Variants in NGEF observed in about 807,000 individuals in gnomAD.
The protein encoded by NGEF is ephexin-1.
Under a neutral mutation model 80.9 loss-of-function variants are expected in NGEF, and 31 were observed. The observed-to-expected ratio is 0.38, with a 90% CI of 0.29 to 0.52. NGEF has a LOEUF of 0.52. Ranked by LOEUF, NGEF falls within the 20% of genes least tolerant of loss-of-function variation. The probability of loss-of-function intolerance (pLI) is 0.84; values close to 1 mark genes in which losing one functional copy is unlikely to be tolerated. For synonymous variants in NGEF, 371 were observed against 370.2 expected (o/e 1.00, Z -0.03); for missense variants, 709 against 926.2 (o/e 0.77, Z 3.04).
intron 3 of NGEF, among the ~76,000 whole-genome samples, chr2:232,955,880 G>T (rs901816206): frequency 6.6e-6 from 1 of 152,208 alleles, no homozygotes; most frequent in African/African-American, 2.4e-5. Context: ...TTTGCAGAAT[G>T]TTTCTCAATT....
At chr2:232,881,082 TC>T in intron 14 of NGEF, 63 bp downstream of exon 14, 2 of 1,309,676 alleles carry the variant, frequency 1.5e-6, no homozygotes, top group East Asian at 2.3e-5. Flanking sequence ...CTTCTCCCCC[TC>T]CCCGTCATCC....
chr2:232,968,550 A>G (rs1190382584), intron 3 of NGEF, among the ~76,000 whole-genome samples: 2 of 151,920 alleles, frequency 1.3e-5, no homozygotes, highest in Admixed American at 6.6e-5. Flanking sequence ...GACTACAGGC[A>G]TGCACCATCA....
At chr2:232,904,271 C>T (rs144116552) in intron 5 of NGEF, among the ~76,000 whole-genome samples, 2 of 152,326 alleles carry the variant, frequency 1.3e-5, no homozygotes, top group African/African-American at 4.8e-5. Flanking sequence ...ACGCCCAGCC[C>T]ACCAAGACCA....
rs941761011 is a variant in NGEF at position 232,883,105 on chromosome 2, G to A, written c.1757+206C>T. Among the ~76,000 whole-genome samples the A allele has an allele frequency of 1.0e-3, 158 of 151,948 alleles. 2 individuals carry two copies. Among genetic ancestry groups the A allele is most frequent in the Non-Finnish European group, 3.5e-4 (24 of 68,002 alleles). On this transcript the variant is annotated intron_variant, in intron 12 of 14. Transcript: ENST00000264051. ...CACGCACACACGCACACACGTACAC[G>A]CGTACACGCATCCAGGAACCTGCAG...
chr2:232,924,267 A>T (rs1693011722), intron 4 of NGEF, among the ~76,000 whole-genome samples: 1 of 152,138 alleles, frequency 6.6e-6, no homozygotes, highest in South Asian at 2.1e-4. Flanking sequence ...ATACATTTTT[A>T]AAAAGCTGTG....
chr2:233,008,253 C>T (rs534731788), intron 1 of NGEF, among the ~76,000 whole-genome samples: 12 of 152,178 alleles, frequency 7.9e-5, no homozygotes, highest in South Asian at 4.1e-4. Context: ...ATGTGGATTG[C>T]GGTAAAGGGT....
At chr2:232,905,794 G>T (rs1391697801) in intron 5 of NGEF, 9 of 340,500 alleles carry the variant, frequency 2.6e-5, no homozygotes, top group Non-Finnish European at 4.2e-5. Flanking sequence ...CCTGGCAGCC[G>T]CCCCGTCTGA....
chr2:232,891,294 C>T (rs956073388), intron 8 of NGEF, 64 bp downstream of exon 8: 32 of 1,595,716 alleles, frequency 2.0e-5, no homozygotes, highest in South Asian at 1.1e-5. Context: ...GCTGACAGGG[C>T]CCGGGAATGA....
intron 5 of NGEF, among the ~76,000 whole-genome samples, chr2:232,908,432 T>C (rs1052823663): frequency 6.6e-6 from 1 of 152,198 alleles, no homozygotes; most frequent in Non-Finnish European, 1.5e-5. Context: ...TAAATATATA[T>C]ATTTAAAAGT....
intron 6 of NGEF, among the ~76,000 whole-genome samples, chr2:232,894,381 T>A (rs1691988025): frequency 6.6e-6 from 1 of 152,214 alleles, no homozygotes; most frequent in Admixed American, 6.5e-5. Context: ...GCAGCTTACA[T>A]GGACACCTTC....
At chr2:232,880,047 C>T (rs1438224576) in intron 14 of NGEF, among the ~76,000 whole-genome samples, 1 of 152,194 alleles carries the variant, frequency 6.6e-6, no homozygotes, top group Non-Finnish European at 1.5e-5. Context: ...GGCAGCCGAG[C>T]ACGTGGTTAG....
chr2:232,963,249 TACGGTCATTGG>T (rs1693989053), intron 3 of NGEF, among the ~76,000 whole-genome samples: 1 of 151,952 alleles, frequency 6.6e-6, no homozygotes, highest in South Asian at 2.1e-4. Context: ...CCCACATGTC[TACGGTCATTGG>T]ACTTTTGAAA....
At chr2:232,909,002 T>C (rs1314452153) in intron 5 of NGEF, among the ~76,000 whole-genome samples, 1 of 152,226 alleles carries the variant, frequency 6.6e-6, no homozygotes, top group Admixed American at 6.5e-5. Context: ...GTTTTTTAAG[T>C]AGGAAACCGT....
intron 1 of NGEF, among the ~76,000 whole-genome samples, chr2:232,984,186 G>A (rs1247715083): frequency 6.6e-6 from 1 of 152,084 alleles, no homozygotes; most frequent in African/African-American, 2.4e-5. Flanking sequence ...CTAGACTCGA[G>A]CAATCCTCCT....
In NGEF at chr2:232,995,133, GTA is replaced by G. The variant is rs1249312726; in HGVS notation, c.-75+17933_-75+17934del. Among the ~76,000 whole-genome samples, 15 of 10,636 alleles carry G rather than the reference GTA, an allele frequency of 1.4e-3. 7 individuals carry two copies. The highest frequency in any genetic ancestry group is 3.6e-3 in the African/African-American group (13 of 3,630). The allele number at this position is 10,636 out of a possible 152,430, so 7.0% of individuals were successfully genotyped here. On this transcript the variant is annotated intron_variant, in intron 1 of 14. Transcript: ENST00000264051. ...GTATATGTGTACAGTATGTATATAT[GTA>G]CAGTATGTATATATGTACAGTATGT...
chr2:232,935,522 G>T (rs1693310883), intron 3 of NGEF, among the ~76,000 whole-genome samples: 1 of 152,154 alleles, frequency 6.6e-6, no homozygotes. Context: ...GGAGGCTGAG[G>T]CAGGAGAATT....
intron 3 of NGEF, among the ~76,000 whole-genome samples, chr2:232,964,188 A>G (rs1395262137): frequency 6.6e-6 from 1 of 152,194 alleles, no homozygotes. Flanking sequence ...GCCTGTTTTT[A>G]ATAAATTTAA....
chr2:232,986,358 G>A (rs1211472517), intron 1 of NGEF, among the ~76,000 whole-genome samples: 2 of 152,138 alleles, frequency 1.3e-5, no homozygotes, highest in Non-Finnish European at 2.9e-5. Flanking sequence ...CCCCACTTCT[G>A]GAAATAAATC....
intron 8 of NGEF, chr2:232,891,113 C>G: frequency 1.7e-6 from 1 of 587,072 alleles, no homozygotes; most frequent in Admixed American, 2.2e-5. Context: ...GTCGTGTCGG[C>G]CCATTTGGCT....
Sources: allele counts gnomAD v4.1 joint callset (sites outside exome capture counted in the v4.1 genomes callset), GRCh38; gene constraint gnomAD v4.1.1; transcripts MANE v1.5; gene names NCBI Gene and HGNC (gene_info 2026-07-23, HGNC 2026-07-21).